The following ST7 variants were observed in gnomAD, a reference collection of about 807,000 sequenced individuals.
ST7 encodes the protein suppression of tumorigenicity 7, also known as suppressor of tumorigenicity 7 protein.
A neutral mutation model predicts 78.7 loss-of-function variants in ST7; 28 were observed. The observed-to-expected ratio is 0.36, with a 90% CI of 0.26 to 0.49. The LOEUF is 0.49. ST7 is among the 20% of genes least tolerant of loss of function. The pLI is 0.99. For synonymous variants in ST7, 247 were observed against 249.6 expected (o/e 0.99, Z 0.10); for missense variants, 418 against 696.0 (o/e 0.60, Z 4.49).
At chr7:117,228,978 G>A (rs1346621176) in intron 15 of ST7, among the ~76,000 whole-genome samples, 1 of 152,214 alleles carries the variant, frequency 6.6e-6, no homozygotes, top group Non-Finnish European at 1.5e-5. Context: ...GCTGGATGGG[G>A]TGTGGAATGA....
intron 9 of ST7, among the ~76,000 whole-genome samples, chr7:117,169,484 C>T (rs980619448): frequency 2.0e-5 from 3 of 152,098 alleles, no homozygotes; most frequent in African/African-American, 7.2e-5. Context: ...AATTCTTGGT[C>T]TTTCTTCTTT....
intron 3 of ST7, among the ~76,000 whole-genome samples, chr7:117,128,805 AC>A (rs1256784981): frequency 6.6e-6 from 1 of 151,844 alleles, no homozygotes; most frequent in Non-Finnish European, 1.5e-5. Context: ...CTAATGAATC[AC>A]CACGTGGCCT....
intron 1 of ST7, among the ~76,000 whole-genome samples, chr7:116,996,486 T>A (rs1391866878): frequency 9.2e-5 from 14 of 152,346 alleles, no homozygotes; most frequent in Non-Finnish European, 1.5e-4. Flanking sequence ...TTCTTATAGA[T>A]GCTGATCTGC....
chr7:117,202,627 C>G (rs1252492240), intron 12 of ST7, among the ~76,000 whole-genome samples: 1 of 152,202 alleles, frequency 6.6e-6, no homozygotes, highest in African/African-American at 2.4e-5. Flanking sequence ...TGGACTCTAA[C>G]AGGAGCTTTT....
chr7:117,119,804 G>A, intron 3 of ST7, 84 bp downstream of exon 3: 1 of 1,480,888 alleles, frequency 6.8e-7, no homozygotes, highest in South Asian at 1.2e-5. Flanking sequence ...GATTAAGAAT[G>A]TTGTTATTTA....
At chr7:117,097,768 T>TA (rs893792224) in intron 1 of ST7, among the ~76,000 whole-genome samples, 4 of 146,924 alleles carry the variant, frequency 2.7e-5, no homozygotes, top group African/African-American at 1.0e-4. Context: ...TTTTTCCTTT[T>TA]AAAAAATCTC....
At chr7:117,018,017 G>C (rs544007097) in intron 1 of ST7, among the ~76,000 whole-genome samples, 14 of 152,224 alleles carry the variant, frequency 9.2e-5, no homozygotes, top group Non-Finnish European at 1.6e-4. Flanking sequence ...CCTGTGCCAA[G>C]AAGTAAATAT....
intron 1 of ST7, among the ~76,000 whole-genome samples, chr7:116,963,123 C>G (rs1020979264): frequency 6.6e-6 from 1 of 152,122 alleles, no homozygotes; most frequent in African/African-American, 2.4e-5. Context: ...ATAATAGAAT[C>G]TTTTTTATCC....
At chr7:117,173,193 G>A (rs1808125329) in intron 10 of ST7, among the ~76,000 whole-genome samples, 1 of 152,188 alleles carries the variant, frequency 6.6e-6, no homozygotes, top group South Asian at 2.1e-4. Context: ...CAGAGATGAT[G>A]TTCTTGTTCA....
At chr7:117,217,517 G>A (rs1274064526) in intron 13 of ST7, among the ~76,000 whole-genome samples, 2 of 152,150 alleles carry the variant, frequency 1.3e-5, no homozygotes, top group Non-Finnish European at 2.9e-5. Flanking sequence ...TCTCTTGAAA[G>A]TCTGGTTCTA....
intron 9 of ST7, among the ~76,000 whole-genome samples, chr7:117,140,274 G>T (rs1426522109): frequency 6.6e-6 from 1 of 150,410 alleles, no homozygotes; most frequent in African/African-American, 2.5e-5. Flanking sequence ...AGAGATGGAT[G>T]CAGTGGGAGA....
intron 8 of ST7, chr7:117,136,639 A>C: frequency 3.5e-6 from 1 of 288,388 alleles, no homozygotes; most frequent in Non-Finnish European, 6.4e-6. Flanking sequence ...CTTCTACAAC[A>C]TGGATTGAAA....
chr7:116,979,872 A>G (rs1388249677), intron 1 of ST7, among the ~76,000 whole-genome samples: 6 of 150,372 alleles, frequency 4.0e-5, no homozygotes, highest in Admixed American at 1.3e-4. Flanking sequence ...TTCATACACC[A>G]TGCTCCATTC....
At chr7:117,173,242 A>G (rs763078273) in intron 10 of ST7, among the ~76,000 whole-genome samples, 4 of 152,196 alleles carry the variant, frequency 2.6e-5, no homozygotes, top group Non-Finnish European at 4.4e-5. Context: ...GGCAGGACAC[A>G]TATTGTTGCT....
chr7:117,061,846 C>G (rs1289811622), intron 1 of ST7, among the ~76,000 whole-genome samples: 2 of 152,172 alleles, frequency 1.3e-5, no homozygotes, highest in African/African-American at 4.8e-5. Flanking sequence ...AGAATCTAAG[C>G]ACATTTTCAG....
chr7:117,166,226 A>G (rs755884768), intron 9 of ST7, among the ~76,000 whole-genome samples: 14 of 152,248 alleles, frequency 9.2e-5, no homozygotes, highest in South Asian at 2.1e-4. Flanking sequence ...CTAACCAAGT[A>G]TGTTTCTATG....
At chr7:116,971,695 T>A (rs1477453853) in intron 1 of ST7, among the ~76,000 whole-genome samples, 1 of 152,208 alleles carries the variant, frequency 6.6e-6, no homozygotes, top group East Asian at 1.9e-4. Flanking sequence ...AGTCTTTCCC[T>A]GGGCTCTGTT....
At position 117,120,492 on chromosome 7, in the gene ST7, G is replaced by A. The variant is rs138770819; in HGVS notation, c.394+772G>A. On this transcript the variant is annotated intron_variant, in intron 3 of 15. Transcript: ENST00000323984. ...CAGCATGAGCTGCTTGGCAACTTTGGCTTCTGTCACAATCCAGTCCCTTTC... is the reference window on the plus strand; with the variant it reads ...CAGCATGAGCTGCTTGGCAACTTTGACTTCTGTCACAATCCAGTCCCTTTC... Among the ~76,000 whole-genome samples the A allele has an allele frequency of 1.4e-4, 22 of 152,238 alleles. No homozygotes were observed. The East Asian group carries it at 4.2e-3, about 29-fold the overall frequency.
chr7:117,050,347 A>G (rs921108714), intron 1 of ST7, among the ~76,000 whole-genome samples: 2 of 152,230 alleles, frequency 1.3e-5, no homozygotes, highest in Non-Finnish European at 2.9e-5. Context: ...TTTTAAGCCA[A>G]TCCTCCAAAC....
Sources: gnomAD v4.1 joint callset for allele counts (sites outside exome capture counted in the v4.1 genomes callset) on GRCh38, gnomAD v4.1.1 for gene constraint, MANE v1.5 for transcripts, NCBI Gene and HGNC (gene_info 2026-07-23, HGNC 2026-07-21) for gene names.